Variants in SDK1 observed in about 807,000 individuals in gnomAD.
SDK1 encodes the protein protein sidekick-1.
SDK1 carries 157 observed loss-of-function variants against 245.5 expected under a neutral mutation model. The observed-to-expected ratio is 0.64, with a 90% CI of 0.56 to 0.73. SDK1 has a LOEUF of 0.73. Ranked by LOEUF, SDK1 falls within the 30% of genes least tolerant of loss-of-function variation. The probability of loss-of-function intolerance (pLI) is 0.00; values close to 1 mark genes in which losing one functional copy is unlikely to be tolerated. For synonymous variants in SDK1, 1,647 were observed against 1,278.5 expected, an observed-to-expected ratio of 1.29 and a Z score of -6.15; for missense variants, 3,583 against 3,002.3, an observed-to-expected ratio of 1.19 and a Z score of -4.52.
At chr7:3,929,264 C>T (rs1472082506) in intron 5 of SDK1, among the ~76,000 whole-genome samples, 1 of 152,224 alleles carries the variant, frequency 6.6e-6, no homozygotes, top group African/African-American at 2.4e-5. Context: ...TGAAGCGTTG[C>T]TCTTGATCTA....
At chr7:3,969,789 C>G (rs1422629832) in intron 11 of SDK1, among the ~76,000 whole-genome samples, 2 of 152,148 alleles carry the variant, frequency 1.3e-5, no homozygotes, top group Admixed American at 1.3e-4. Flanking sequence ...TAATATTTTG[C>G]TAAACATTTG....
At chr7:3,881,411 C>T (rs1347812052) in intron 5 of SDK1, among the ~76,000 whole-genome samples, 2 of 152,192 alleles carry the variant, frequency 1.3e-5, no homozygotes, top group African/African-American at 4.8e-5. Context: ...GCTCCTTCTG[C>T]GTCCCTGCAA....
At chr7:4,257,223 T>C (rs959097673) in intron 44 of SDK1, among the ~76,000 whole-genome samples, 1 of 152,244 alleles carries the variant, frequency 6.6e-6, no homozygotes, top group Non-Finnish European at 1.5e-5. Flanking sequence ...CTTGCCAACG[T>C]AATACCCAAA....
At chr7:4,162,422 A>G (rs1781208888) in intron 32 of SDK1, among the ~76,000 whole-genome samples, 1 of 139,206 alleles carries the variant, frequency 7.2e-6, no homozygotes, top group African/African-American at 2.6e-5. Flanking sequence ...TTATTTTGGG[A>G]CAGAGTCTCA....
In SDK1 at chr7:3,598,703, A is replaced by G. The variant is rs1781152100; in HGVS notation, c.299-20377A>G. 1.3e-5 allele frequency among the ~76,000 whole-genome samples: 2 copies of G among 152,228 alleles called. 1 individual carries two copies. Among genetic ancestry groups the G allele is most frequent in the South Asian group, 4.1e-4 (2 of 4,832 alleles). Reference sequence around the variant, plus strand: ...ATTTCAAGAATATTATATAAAAGGAATCACACTGTGTGTGACCTTTTGGGA... The same window carrying G: ...ATTTCAAGAATATTATATAAAAGGAGTCACACTGTGTGTGACCTTTTGGGA... On this transcript the variant is annotated intron_variant, in intron 1 of 44. Transcript: ENST00000404826.
chr7:4,190,338 G>A (rs1405761125), intron 35 of SDK1, among the ~76,000 whole-genome samples: 1 of 151,902 alleles, frequency 6.6e-6, no homozygotes, highest in South Asian at 2.1e-4. Flanking sequence ...CTGTCTACAC[G>A]GTCCTGGATG....
intron 5 of SDK1, among the ~76,000 whole-genome samples, chr7:3,835,780 G>C (rs530758345): frequency 2.0e-5 from 3 of 147,542 alleles, no homozygotes; most frequent in Non-Finnish European, 3.0e-5. Flanking sequence ...GCTTTTGTTG[G>C]TGGAATCAAA....
chr7:3,633,407 T>C (rs1458412055), intron 2 of SDK1, among the ~76,000 whole-genome samples: 1 of 152,192 alleles, frequency 6.6e-6, no homozygotes, highest in African/African-American at 2.4e-5. Flanking sequence ...GATTCGGTCA[T>C]ATCATCTGGC....
chr7:3,793,683 C>G (rs1277067309), intron 4 of SDK1, among the ~76,000 whole-genome samples: 1 of 152,176 alleles, frequency 6.6e-6, no homozygotes. Context: ...TCCTCTGCCA[C>G]TTACTGAGCT....
At chr7:3,436,960 G>T (rs1005166389) in intron 1 of SDK1, among the ~76,000 whole-genome samples, 1 of 152,076 alleles carries the variant, frequency 6.6e-6, no homozygotes, top group Non-Finnish European at 1.5e-5. Flanking sequence ...AACATAGAAT[G>T]TCTAACGGAT....
At chr7:4,094,020 T>A (rs1246424401) in intron 22 of SDK1, among the ~76,000 whole-genome samples, 1 of 152,160 alleles carries the variant, frequency 6.6e-6, no homozygotes. Flanking sequence ...CCGGGGGCAG[T>A]CCCCTTTTTG....
intron 44 of SDK1, among the ~76,000 whole-genome samples, chr7:4,252,452 T>C (rs1787368219): frequency 1.3e-5 from 2 of 152,194 alleles, no homozygotes; most frequent in African/African-American, 4.8e-5. Context: ...TAATCCAGTC[T>C]ATCATTGTTG....
chr7:3,863,789 A>G (rs1780753632), intron 5 of SDK1, among the ~76,000 whole-genome samples: 1 of 152,228 alleles, frequency 6.6e-6, no homozygotes, highest in African/African-American at 2.4e-5. Flanking sequence ...AGGCTGAAGA[A>G]TATTCCATCG....
chr7:3,804,999 A>G (rs1342184972), intron 4 of SDK1, among the ~76,000 whole-genome samples: 4 of 152,240 alleles, frequency 2.6e-5, no homozygotes, highest in Non-Finnish European at 5.9e-5. Flanking sequence ...CATACTTGAA[A>G]GTTACTAAGA....
intron 4 of SDK1, among the ~76,000 whole-genome samples, chr7:3,811,739 T>C (rs900643353): frequency 1.3e-5 from 2 of 152,140 alleles, no homozygotes; most frequent in Admixed American, 6.5e-5. Flanking sequence ...AGAGCTCCGG[T>C]GGAAGGCACG....
At chr7:3,585,508 C>G (rs764135116) in intron 1 of SDK1, among the ~76,000 whole-genome samples, 1 of 152,142 alleles carries the variant, frequency 6.6e-6, no homozygotes, top group Non-Finnish European at 1.5e-5. Context: ...TGATAAAGGA[C>G]TGATGGTAGC....
intron 5 of SDK1, among the ~76,000 whole-genome samples, chr7:3,931,308 C>T (rs1353172997): frequency 6.6e-6 from 1 of 152,182 alleles, no homozygotes; most frequent in African/African-American, 2.4e-5. Flanking sequence ...CATTTTCTTT[C>T]CTCACATATT....
rs918078390 is a variant in SDK1, at chr7:3,867,486, G to A, written c.847+45903G>A. On this transcript the variant is annotated intron_variant, in intron 5 of 44. Coordinates refer to ENST00000404826, the MANE Select transcript of SDK1 (RefSeq NM_152744.4). The stretch of plus-strand genomic sequence containing the variant: ...ACTCACAGTGTCATATGGCTGGGGC[G>A]GCCTCACAATCATGGTGGAAGGCAA... 3.9e-5 allele frequency among the ~76,000 whole-genome samples: 6 copies of A among 152,256 alleles called. No individual in the cohort carries two copies. In the South Asian group the frequency reaches 6.2e-4, roughly 16 times the overall value.
intron 1 of SDK1, among the ~76,000 whole-genome samples, chr7:3,386,072 C>T (rs985335076): frequency 6.6e-6 from 1 of 151,938 alleles, no homozygotes; most frequent in Admixed American, 6.6e-5. Context: ...AAATGTTTCT[C>T]TTGACAGGAT....
Sources: gnomAD v4.1 joint callset for allele counts (sites outside exome capture counted in the v4.1 genomes callset) on GRCh38, gnomAD v4.1.1 for gene constraint, MANE v1.5 for transcripts, NCBI Gene and HGNC (gene_info 2026-07-23, HGNC 2026-07-21) for gene names.